The following PRR16 variants were observed in gnomAD, a reference collection of about 807,000 sequenced individuals.
PRR16 encodes the protein protein Largen.
In PRR16, 6 loss-of-function variants were observed where a neutral mutation model predicts 18.2. The ratio of observed to expected loss-of-function variants is 0.33; its 90% CI spans 0.18 to 0.65. The LOEUF (loss-of-function observed/expected upper bound fraction) is 0.65, where lower values mean the gene tolerates loss of function less well. Among genes scored for constraint, PRR16 ranks in the 30% least tolerant of loss-of-function variants. PRR16 has a pLI of 0.74. For missense variants in PRR16, 412 were observed against 376.6 expected, an observed-to-expected ratio of 1.09 and a Z score of -0.78; for synonymous variants, 151 against 147.8, an observed-to-expected ratio of 1.02 and a Z score of -0.16.
At chr5:120,546,702 G>A (rs1052169120) in intron 1 of PRR16, among the ~76,000 whole-genome samples, 1 of 151,994 alleles carries the variant, frequency 6.6e-6, no homozygotes, top group Non-Finnish European at 1.5e-5. Context: ...AATTGAGAGT[G>A]AACATGGAAA....
rs1241820429 is a variant in PRR16 at position 120,476,802 on chromosome 5, T to C, written c.159+12157T>C. 2.6e-5 allele frequency among the ~76,000 whole-genome samples: 4 copies of C among 152,106 alleles called. No homozygotes were observed. In the South Asian group the frequency reaches 8.3e-4, roughly 32 times the overall value. On this transcript the variant is annotated intron_variant, in intron 1 of 1. Transcript: ENST00000407149. ...ACTATCTGATTTCTCAGTTCTTCTTTACAAAAATAAAAATAAAAAATAAAA... is the reference window on the plus strand; with the variant it reads ...ACTATCTGATTTCTCAGTTCTTCTTCACAAAAATAAAAATAAAAAATAAAA...
intron 1 of PRR16, among the ~76,000 whole-genome samples, chr5:120,477,568 G>A (rs750189254): frequency 1.3e-5 from 2 of 152,120 alleles, no homozygotes; most frequent in Non-Finnish European, 2.9e-5. Flanking sequence ...TGCTACAATA[G>A]CCTCCTGACT....
intron 1 of PRR16, among the ~76,000 whole-genome samples, chr5:120,624,587 C>G (rs1470094627): frequency 6.6e-6 from 1 of 152,158 alleles, no homozygotes; most frequent in Non-Finnish European, 1.5e-5. Flanking sequence ...CTCAACATCT[C>G]TGTGCCTCAG....
chr5:120,775,796 A>ATTTTTTT, the PRR16 span, among the ~76,000 whole-genome samples: 416 of 80,470 alleles, frequency 5.2e-3, no homozygotes, highest in African/African-American at 0.01. Flanking sequence ...ACGCCTGGCT[A>ATTTTTTT]TTTTTTTTTT....
At chr5:120,482,151 A>G (rs1479279100) in intron 1 of PRR16, among the ~76,000 whole-genome samples, 1 of 152,166 alleles carries the variant, frequency 6.6e-6, no homozygotes, top group African/African-American at 2.4e-5. Context: ...CTTTTATTTT[A>G]CATTCAGGGG....
intron 1 of PRR16, among the ~76,000 whole-genome samples, chr5:120,616,059 C>G (rs1754500080): frequency 6.6e-6 from 1 of 152,168 alleles, no homozygotes; most frequent in Non-Finnish European, 1.5e-5. Context: ...ACCCCCACCC[C>G]AAACTGACTC....
chr5:120,745,553 A>AAAC, the PRR16 span, among the ~76,000 whole-genome samples: 6 of 149,486 alleles, frequency 4.0e-5, no homozygotes, highest in Non-Finnish European at 7.4e-5. Context: ...ATTAAAACAA[A>AAAC]AACAACAACA....
chr5:120,586,836 C>T (rs1246009725), intron 1 of PRR16, among the ~76,000 whole-genome samples: 1 of 152,148 alleles, frequency 6.6e-6, no homozygotes, highest in Non-Finnish European at 1.5e-5. Context: ...CACATCTCTC[C>T]TTTCAGTGAA....
chr5:120,721,990 A>G, the PRR16 span, among the ~76,000 whole-genome samples: 3 of 152,032 alleles, frequency 2.0e-5, no homozygotes, highest in African/African-American at 7.2e-5. Flanking sequence ...TGTCATCTAC[A>G]TGAGGTATTT....
At chr5:120,554,860 A>C (rs890405543) in intron 1 of PRR16, among the ~76,000 whole-genome samples, 7 of 151,938 alleles carry the variant, frequency 4.6e-5, no homozygotes, top group Non-Finnish European at 8.8e-5. Context: ...AACACAAGAA[A>C]GATACCTAAA....
chr5:120,586,736 T>C (rs1753457509), intron 1 of PRR16, among the ~76,000 whole-genome samples: 1 of 152,256 alleles, frequency 6.6e-6, no homozygotes, highest in Middle Eastern at 3.4e-3. Context: ...TCCTTGGTCC[T>C]CTCTGTTCCC....
At chr5:120,668,015 C>T (rs1290476639) in intron 1 of PRR16, among the ~76,000 whole-genome samples, 4 of 152,004 alleles carry the variant, frequency 2.6e-5, no homozygotes, top group African/African-American at 9.7e-5. Flanking sequence ...TCCTTGTTAA[C>T]TTTCTGTCTC....
rs534604354 is a variant in PRR16 at position 120,527,846 on chromosome 5, TC to T, written c.159+63204del. Among the ~76,000 whole-genome samples, 22 of 152,270 alleles carry T rather than the reference TC, an allele frequency of 1.4e-4. 1 individual carries two copies. In the South Asian group the frequency reaches 4.6e-3, roughly 32 times the overall value. ...GCCAAATGATGCTCATCTCAGTTCC[TC>T]CCTAGAAGTACATGCTAGCCTGGAA... is the stretch of plus-strand genomic sequence containing the variant. On this transcript the variant is annotated intron_variant, in intron 1 of 1. Coordinates refer to ENST00000407149, the MANE Select transcript of PRR16 (RefSeq NM_001300783.2).
chr5:120,638,450 T>TAGTC (rs1344495691), intron 1 of PRR16, among the ~76,000 whole-genome samples: 1 of 152,132 alleles, frequency 6.6e-6, no homozygotes. Context: ...TCAGTAATGG[T>TAGTC]AGTCAATATG....
At chr5:120,618,613 G>A (rs1388537072) in intron 1 of PRR16, 6 of 861,310 alleles carry the variant, frequency 7.0e-6, no homozygotes, top group Non-Finnish European at 8.4e-6. Flanking sequence ...GGACAAAAAA[G>A]GTATACTGAA....
At chr5:120,669,116 GCAAA>G (rs1445809236) in intron 1 of PRR16, among the ~76,000 whole-genome samples, 3 of 152,118 alleles carry the variant, frequency 2.0e-5, no homozygotes, top group African/African-American at 7.2e-5. Context: ...AGTCTTTTAA[GCAAA>G]CAGTCTCAAA....
At chr5:120,487,530 G>A (rs971994515) in intron 1 of PRR16, among the ~76,000 whole-genome samples, 2 of 152,078 alleles carry the variant, frequency 1.3e-5, no homozygotes, top group African/African-American at 4.8e-5. Context: ...TTGCTTATCA[G>A]CTTAAGGAGA....
At chr5:120,574,481 G>C (rs1753011250) in intron 1 of PRR16, among the ~76,000 whole-genome samples, 1 of 152,050 alleles carries the variant, frequency 6.6e-6, no homozygotes, top group African/African-American at 2.4e-5. Context: ...GCATGCACCT[G>C]TAATCCCAGC....
chr5:120,756,528 G>C, the PRR16 span, among the ~76,000 whole-genome samples: 1 of 151,922 alleles, frequency 6.6e-6, no homozygotes, highest in African/African-American at 2.4e-5. Flanking sequence ...TTTTGGATTT[G>C]CATTTCTCTG....
Sources: allele counts gnomAD v4.1 joint callset (sites outside exome capture counted in the v4.1 genomes callset), GRCh38; gene constraint gnomAD v4.1.1; transcripts MANE v1.5; gene names NCBI Gene and HGNC (gene_info 2026-07-23, HGNC 2026-07-21).